The following SNX25 variants were observed in gnomAD, a reference collection of about 807,000 sequenced individuals.
SNX25 encodes sorting nexin 25.
Under a neutral mutation model 113.7 loss-of-function variants are expected in SNX25, and 62 were observed. The observed-to-expected ratio is 0.55, with a 90% CI of 0.44 to 0.67. SNX25 has a LOEUF of 0.67. Ranked by LOEUF, SNX25 falls within the 30% of genes least tolerant of loss-of-function variation. The pLI, the probability that SNX25 is intolerant of heterozygous loss-of-function variation, is 0.00. For missense variants in SNX25, 1,014 were observed against 1,161.0 expected, an observed-to-expected ratio of 0.87 and a Z score of 1.84; for synonymous variants, 421 against 436.2, an observed-to-expected ratio of 0.97 and a Z score of 0.43.
At chr4:185,371,168 G>A (rs551096831), downstream of SNX25, 5 of 181,030 alleles carry the variant, frequency 2.8e-5, no homozygotes, top group Admixed American at 5.5e-5. Context: ...TTTGGATCAC[G>A]TATGGAAACA....
At chr4:185,285,161 GA>G (rs1030512989) in intron 5 of SNX25, among the ~76,000 whole-genome samples, 13 of 152,134 alleles carry the variant, frequency 8.5e-5, no homozygotes, top group African/African-American at 2.7e-4. Flanking sequence ...TATACACATA[GA>G]TACATATCTG....
chr4:185,240,471 C>T (rs1445497735), intron 1 of SNX25, among the ~76,000 whole-genome samples: 13 of 149,434 alleles, frequency 8.7e-5, no homozygotes, highest in African/African-American at 2.5e-4. Flanking sequence ...TAGGGGCGGC[C>T]GGGCAGAGGC....
At chr4:185,228,802 C>G (rs1741392038) in intron 1 of SNX25, among the ~76,000 whole-genome samples, 1 of 152,198 alleles carries the variant, frequency 6.6e-6, no homozygotes, top group African/African-American at 2.4e-5. Flanking sequence ...GTGAACCAAG[C>G]ATTTCACTAG....
chr4:185,326,644 A>C (rs1450737702), intron 9 of SNX25, among the ~76,000 whole-genome samples: 1 of 152,214 alleles, frequency 6.6e-6, no homozygotes, highest in Non-Finnish European at 1.5e-5. Flanking sequence ...TTATTTATAC[A>C]AACATAGCCC....
chr4:185,267,191 C>T (rs1748238193), intron 5 of SNX25, 36 bp downstream of exon 5: 1 of 1,564,822 alleles, frequency 6.4e-7, no homozygotes, highest in Non-Finnish European at 8.7e-7. Context: ...GCAACAGCTA[C>T]TGATTATCAT....
chr4:185,357,658 G>T lies in SNX25; in HGVS notation c.2585-13G>T. Reference sequence around the variant, plus strand: ...CCCTGTGATAAAAAGTTTTCCTCTGGTTTCTGTTTCAGTGTTTAAATGGGT... The same window carrying T: ...CCCTGTGATAAAAAGTTTTCCTCTGTTTTCTGTTTCAGTGTTTAAATGGGT... On this transcript the variant is annotated splice_polypyrimidine_tract_variant and intron_variant, in intron 15 of 18. Transcript: ENST00000652585. The T allele has an allele frequency of 6.2e-7, 1 of 1,613,184 alleles. No homozygotes were observed. Among genetic ancestry groups the T allele is most frequent in the Non-Finnish European group, 8.5e-7 (1 of 1,179,236 alleles).
At chr4:185,346,452 G>C (rs2095287247) in intron 12 of SNX25, 85 bp from the exon 13 acceptor site, 1 of 928,528 alleles carries the variant, frequency 1.1e-6, no homozygotes, top group East Asian at 2.8e-5. Context: ...GAGGATATTT[G>C]TTTTGTTCTA....
intron 6 of SNX25, among the ~76,000 whole-genome samples, chr4:185,299,677 A>G (rs577446646): frequency 1.3e-5 from 2 of 152,318 alleles, no homozygotes; most frequent in South Asian, 2.1e-4. Flanking sequence ...TAGTTGAGAA[A>G]TGGTCTATTA....
chr4:185,213,937 C>T (rs1244875664), intron 1 of SNX25, among the ~76,000 whole-genome samples: 1 of 149,290 alleles, frequency 6.7e-6, no homozygotes, highest in Admixed American at 6.7e-5. Context: ...TTTACTAGAT[C>T]CTTTTTTTTT....
intron 6 of SNX25, among the ~76,000 whole-genome samples, chr4:185,304,750 C>T (rs775997137): frequency 1.3e-5 from 2 of 152,074 alleles, no homozygotes; most frequent in Non-Finnish European, 1.5e-5. Context: ...CAGCCCTGCA[C>T]AGTGCTGGTA....
intron 1 of SNX25, among the ~76,000 whole-genome samples, chr4:185,226,651 ATGTT>A (rs772172260): frequency 7.2e-4 from 110 of 152,152 alleles, no homozygotes; most frequent in Middle Eastern, 3.4e-3. Context: ...AGGTCTCACT[ATGTT>A]GCCCGGGCTG....
At chr4:185,216,373 A>G (rs1298172294) in intron 1 of SNX25, among the ~76,000 whole-genome samples, 1 of 152,192 alleles carries the variant, frequency 6.6e-6, no homozygotes, top group Non-Finnish European at 1.5e-5. Flanking sequence ...TGATGGAACT[A>G]TTAAGATCAG....
At chr4:185,225,322 C>T (rs933955488) in intron 1 of SNX25, among the ~76,000 whole-genome samples, 3 of 152,138 alleles carry the variant, frequency 2.0e-5, no homozygotes, top group African/African-American at 4.8e-5. Flanking sequence ...GATGGGGTTT[C>T]ACCGTGTTAG....
At chr4:185,376,522 G>A in the SNX25 span, among the ~76,000 whole-genome samples, 1 of 142,556 alleles carries the variant, frequency 7.0e-6, no homozygotes, top group Non-Finnish European at 1.5e-5. Flanking sequence ...TACAACTCCT[G>A]ACCTCAGGTG....
intron 1 of SNX25, among the ~76,000 whole-genome samples, chr4:185,245,429 C>T (rs958763451): frequency 4.6e-5 from 7 of 151,940 alleles, no homozygotes; most frequent in Admixed American, 1.3e-4. Context: ...CCTACATCTC[C>T]TGGGTTCAAG....
Position 185,266,966 on chromosome 4 carries a change from T to C in SNX25, c.905-3T>C. 1 of 1,608,928 alleles carries C rather than the reference T, an allele frequency of 6.2e-7. No homozygotes were observed. Among genetic ancestry groups the C allele is most frequent in the Non-Finnish European group, 8.5e-7 (1 of 1,177,710 alleles). ...CAGTGGCTATTTCTTCTTCTTCCTG[T>C]AGTCTTGAAGCCGGTAGTGGAGTTA... On this transcript the variant is annotated splice_region_variant and splice_polypyrimidine_tract_variant and intron_variant, in intron 4 of 18. Transcript: ENST00000652585.
At chr4:185,242,696 A>G (rs1273637985) in intron 1 of SNX25, among the ~76,000 whole-genome samples, 1 of 152,064 alleles carries the variant, frequency 6.6e-6, no homozygotes. Context: ...TCCTTCCTCT[A>G]GAGTATAGGG....
intron 5 of SNX25, 87 bp downstream of exon 5, chr4:185,267,242 C>G: frequency 1.6e-6 from 2 of 1,269,928 alleles, no homozygotes; most frequent in South Asian, 1.3e-5. Context: ...AAGTAGTTGT[C>G]AGGGAAGCAG....
chr4:185,331,503 G>A (rs113889704), intron 9 of SNX25, among the ~76,000 whole-genome samples: 2,510 of 152,144 alleles, frequency 0.016, 56 homozygotes, highest in African/African-American at 0.051. Flanking sequence ...CATATGGGCC[G>A]GGCACAGTGG....
Sources: allele counts gnomAD v4.1 joint callset (sites outside exome capture counted in the v4.1 genomes callset), GRCh38; gene constraint gnomAD v4.1.1; transcripts MANE v1.5; gene names NCBI Gene and HGNC (gene_info 2026-07-23, HGNC 2026-07-21).